UROS: variants seen among roughly 807,000 people sequenced by gnomAD.
The protein encoded by UROS is uroporphyrinogen-III synthase.
Under a neutral mutation model 33.0 loss-of-function variants are expected in UROS, and 18 were observed. That is an observed-to-expected ratio of 0.55 (90% CI 0.38 to 0.81). UROS has a LOEUF of 0.81. UROS is among the 30% of genes least tolerant of loss of function. The pLI is 0.00. For synonymous variants in UROS, 114 were observed against 121.1 expected, an observed-to-expected ratio of 0.94 and a Z score of 0.38; for missense variants, 293 against 314.9, an observed-to-expected ratio of 0.93 and a Z score of 0.53.
chr10:125,808,578 T>C (rs1447397698), intron 5 of UROS, among the ~76,000 whole-genome samples: 6 of 152,256 alleles, frequency 3.9e-5, no homozygotes, highest in African/African-American at 1.4e-4. Context: ...TGGTAATCAA[T>C]ATTGACATAA....
At chr10:125,790,928 C>A (rs990722788) in intron 9 of UROS, among the ~76,000 whole-genome samples, 8 of 151,526 alleles carry the variant, frequency 5.3e-5, no homozygotes, top group African/African-American at 1.9e-4. Flanking sequence ...CCCATCTCTA[C>A]TAAAAATACA....
chr10:125,811,766 G>C (rs923968721), intron 5 of UROS, among the ~76,000 whole-genome samples: 2 of 150,700 alleles, frequency 1.3e-5, no homozygotes, highest in Non-Finnish European at 3.0e-5. Context: ...AGAATAAATA[G>C]ACTCAAGACT....
At chr10:125,821,130 T>A (rs1841450938) in intron 1 of UROS, among the ~76,000 whole-genome samples, 1 of 152,242 alleles carries the variant, frequency 6.6e-6, no homozygotes, top group Non-Finnish European at 1.5e-5. Flanking sequence ...GCAATTCCCC[T>A]GCTACATATA....
rs1891358 is a variant in UROS at position 125,815,365 on chromosome 10, G to C, written c.148-235C>G. ...CCCAGTATTTCCCTCAGGAAGCTCA[G>C]AGTCTAGGGCAGAGACAGTGAAACA... is the stretch of plus-strand genomic sequence containing the variant. On this transcript the variant is annotated intron_variant, in intron 3 of 9. Coordinates refer to ENST00000368797, the MANE Select transcript of UROS (RefSeq NM_000375.3). Among the ~76,000 whole-genome samples, 119,492 of 151,994 alleles carry C rather than the reference G, an allele frequency of 0.79. 47,289 individuals carry two copies. Among genetic ancestry groups the C allele is most frequent in the South Asian group, 0.82 (3,972 of 4,828 alleles).
intron 1 of UROS, among the ~76,000 whole-genome samples, chr10:125,820,295 T>C (rs1212027581): frequency 6.6e-6 from 1 of 152,164 alleles, no homozygotes; most frequent in Admixed American, 6.5e-5. Context: ...CCTGAAGGCC[T>C]GAGAGCCAAG....
intron 6 of UROS, chr10:125,803,162 C>A: frequency 8.2e-7 from 1 of 1,225,626 alleles, no homozygotes; most frequent in African/African-American, 1.7e-5. Context: ...TAGCTCTGTT[C>A]CTTATGGACA....
At chr10:125,800,714 C>T (rs1589953491) in intron 6 of UROS, among the ~76,000 whole-genome samples, 2 of 151,932 alleles carry the variant, frequency 1.3e-5, no homozygotes, top group Admixed American at 6.6e-5. Context: ...GACGCGGCCA[C>T]CAAGCCCAGG....
intron 5 of UROS, among the ~76,000 whole-genome samples, chr10:125,811,162 T>C (rs1259472048): frequency 5.3e-5 from 8 of 152,368 alleles, no homozygotes; most frequent in African/African-American, 1.9e-4. Flanking sequence ...ATAGTGATGC[T>C]ACCGAAATCA....
At chr10:125,810,069 C>T (rs1019935745) in intron 5 of UROS, among the ~76,000 whole-genome samples, 2 of 152,156 alleles carry the variant, frequency 1.3e-5, no homozygotes, top group East Asian at 3.8e-4. Flanking sequence ...TCCAACTTTC[C>T]TAACCTGATT....
Position 125,805,757 on chromosome 10 carries a change from G to A in UROS, c.394+1656C>T, listed in dbSNP as rs576079395. Among the ~76,000 whole-genome samples, 8 of 152,286 alleles carry A rather than the reference G, an allele frequency of 5.3e-5. No homozygotes were observed. The East Asian group carries it at 1.2e-3, about 22-fold the overall frequency. On this transcript the variant is annotated intron_variant, in intron 6 of 9. Transcript: ENST00000368797. ...TCTGACTTCATGGGGTGATGGTGAAGATTAAATGACATCATACAGGCCACG... is the reference window on the plus strand; with the variant it reads ...TCTGACTTCATGGGGTGATGGTGAAAATTAAATGACATCATACAGGCCACG...
At chr10:125,808,221 A>G (rs900662116) in intron 5 of UROS, among the ~76,000 whole-genome samples, 1 of 152,216 alleles carries the variant, frequency 6.6e-6, no homozygotes, top group Non-Finnish European at 1.5e-5. Flanking sequence ...TGGCTCAGTC[A>G]ACACTGCTAC....
intron 3 of UROS, among the ~76,000 whole-genome samples, chr10:125,815,699 T>A (rs1283354062): frequency 1.3e-5 from 2 of 152,202 alleles, no homozygotes; most frequent in Non-Finnish European, 2.9e-5. Context: ...TTTTTATCAC[T>A]CCTCACTGGA....
At chr10:125,796,058 A>G (rs746001797) in intron 8 of UROS, 45 bp downstream of exon 8, 1 of 1,585,988 alleles carries the variant, frequency 6.3e-7, no homozygotes, top group Non-Finnish European at 8.7e-7. Flanking sequence ...CTGCTTCCCC[A>G]CCTGGGCACC....
chr10:125,807,557 T>A, intron 5 of UROS, 70 bp from the exon 6 acceptor site: 1 of 1,265,262 alleles, frequency 7.9e-7, no homozygotes, highest in Non-Finnish European at 1.2e-6. Context: ...CGTTATTTTT[T>A]AACGTGCAAA....
intron 5 of UROS, among the ~76,000 whole-genome samples, 182 bp downstream of exon 5, chr10:125,812,032 C>T (rs1852859956): frequency 6.6e-6 from 1 of 152,112 alleles, no homozygotes; most frequent in Non-Finnish European, 1.5e-5. Context: ...ATTTTTAATG[C>T]CATTTGGAAA....
intron 5 of UROS, among the ~76,000 whole-genome samples, chr10:125,811,249 T>C (rs550429052): frequency 6.6e-5 from 10 of 152,378 alleles, no homozygotes; most frequent in African/African-American, 1.9e-4. Flanking sequence ...ATAAATATAC[T>C]GTATATTTGA....
At chr10:125,820,333 G>A (rs895441008) in intron 1 of UROS, among the ~76,000 whole-genome samples, 3 of 152,130 alleles carry the variant, frequency 2.0e-5, no homozygotes, top group Admixed American at 1.3e-4. Context: ...GAGTGTGAAG[G>A]CCTCAGCACC....
chr10:125,798,160 C>T lies in UROS; in HGVS notation c.395-15G>A. ...TGAGGACTCCCCTGTGAATAAATAA[C>T]CAGGCTTTGTGAAAACTCAGGGCCA... is the stretch of plus-strand genomic sequence containing the variant. On this transcript the variant is annotated splice_polypyrimidine_tract_variant and intron_variant, in intron 6 of 9. Coordinates refer to ENST00000368797, the MANE Select transcript of UROS (RefSeq NM_000375.3). 1 of 1,613,276 alleles carries T rather than the reference C, an allele frequency of 6.2e-7. No homozygotes were observed. Among genetic ancestry groups the T allele is most frequent in the Non-Finnish European group, 8.5e-7 (1 of 1,179,350 alleles).
At chr10:125,820,273 C>G (rs1157661194) in intron 1 of UROS, among the ~76,000 whole-genome samples, 1 of 152,164 alleles carries the variant, frequency 6.6e-6, no homozygotes, top group Non-Finnish European at 1.5e-5. Flanking sequence ...AGCAGGAAGG[C>G]TGGTGTTGTA....
Sources: gnomAD v4.1 joint callset for allele counts (sites outside exome capture counted in the v4.1 genomes callset) on GRCh38, gnomAD v4.1.1 for gene constraint, MANE v1.5 for transcripts, NCBI Gene and HGNC (gene_info 2026-07-23, HGNC 2026-07-21) for gene names.